The following CCDC7 variants were observed in gnomAD, a reference collection of about 807,000 sequenced individuals.
CCDC7 encodes coiled-coil domain containing 7, also known as coiled-coil domain-containing protein 7.
A neutral mutation model predicts 196.9 loss-of-function variants in CCDC7; 183 were observed. The ratio of observed to expected loss-of-function variants is 0.93; its 90% CI spans 0.82 to 1.05. The LOEUF (loss-of-function observed/expected upper bound fraction) is 1.05. Ranked by LOEUF, CCDC7 falls within the 50% of genes least tolerant of loss-of-function variation. The pLI, the probability that CCDC7 is intolerant of heterozygous loss-of-function variation, is 0.00. For missense variants in CCDC7, 1,540 were observed against 1,482.2 expected (o/e 1.04, Z -0.64); for synonymous variants, 525 against 484.6 (o/e 1.08, Z -1.10).
chr10:32,488,185 C>T (rs779191046), intron 8 of CCDC7, among the ~76,000 whole-genome samples: 6 of 152,208 alleles, frequency 3.9e-5, no homozygotes, highest in Non-Finnish European at 7.3e-5. Context: ...TCGGCAATGG[C>T]GGGCGCCCCT....
chr10:32,604,075 G>A (rs2061341049), intron 18 of CCDC7, among the ~76,000 whole-genome samples: 1 of 152,016 alleles, frequency 6.6e-6, no homozygotes, highest in African/African-American at 2.4e-5. Context: ...TAGTTTTATA[G>A]TTTCAGGTCT....
At chr10:32,820,190 C>G (rs570506861) in intron 31 of CCDC7, among the ~76,000 whole-genome samples, 2 of 152,138 alleles carry the variant, frequency 1.3e-5, no homozygotes, top group Non-Finnish European at 2.9e-5. Flanking sequence ...AAAGCCAAAT[C>G]ATGAGTGAAC....
At chr10:32,640,290 A>G (rs921687716) in intron 20 of CCDC7, among the ~76,000 whole-genome samples, 1 of 152,118 alleles carries the variant, frequency 6.6e-6, no homozygotes, top group African/African-American at 2.4e-5. Flanking sequence ...CTTTACCATT[A>G]TGTAATGGCT....
At chr10:32,741,007 A>G (rs751195287) in intron 28 of CCDC7, among the ~76,000 whole-genome samples, 29 of 152,058 alleles carry the variant, frequency 1.9e-4, no homozygotes, top group Non-Finnish European at 1.3e-4. Flanking sequence ...TGCATTAATG[A>G]AAAATATTCT....
At chr10:32,601,495 T>G (rs1452715721) in intron 18 of CCDC7, among the ~76,000 whole-genome samples, 1 of 152,202 alleles carries the variant, frequency 6.6e-6, no homozygotes, top group Non-Finnish European at 1.5e-5. Flanking sequence ...TGTGGGGAGT[T>G]TGGGAGTTTG....
chr10:32,552,197 G>T (rs890994443), intron 13 of CCDC7, among the ~76,000 whole-genome samples: 2 of 152,122 alleles, frequency 1.3e-5, no homozygotes, highest in African/African-American at 4.8e-5. Context: ...AAGTTTGTTT[G>T]TCTGATGTAA....
In CCDC7 at chr10:32,819,299, G is replaced by T. The variant is rs576900924; in HGVS notation, c.3181+4846G>T. On this transcript the variant is annotated intron_variant, in intron 31 of 41. Coordinates refer to ENST00000639629, the Ensembl canonical transcript of CCDC7. ...AAATCTCTGAATAGACCAATAACAG[G>T]CTCTGAAATTGAGGCAATAATTAAT... Among the ~76,000 whole-genome samples, 5 of 152,268 alleles carry T rather than the reference G, an allele frequency of 3.3e-5. No homozygotes were observed. The South Asian group carries it at 1.0e-3, about 32-fold the overall frequency.
At chr10:32,618,640 T>C (rs2063039737) in intron 18 of CCDC7, among the ~76,000 whole-genome samples, 1 of 152,202 alleles carries the variant, frequency 6.6e-6, no homozygotes, top group East Asian at 1.9e-4. Flanking sequence ...TCTTATTCTC[T>C]TCTGGCCCAT....
chr10:32,719,253 T>G (rs2082054433), intron 25 of CCDC7, among the ~76,000 whole-genome samples: 1 of 152,138 alleles, frequency 6.6e-6, no homozygotes, highest in Non-Finnish European at 1.5e-5. Context: ...TTGACAAACC[T>G]GACAAAAACA....
At chr10:32,834,149 A>G (rs1244693631) in intron 32 of CCDC7, among the ~76,000 whole-genome samples, 2 of 152,064 alleles carry the variant, frequency 1.3e-5, no homozygotes, top group African/African-American at 2.4e-5. Flanking sequence ...AAAATTACCC[A>G]TTTCTTCCTC....
chr10:32,653,429 T>A (rs757942316), intron 20 of CCDC7, among the ~76,000 whole-genome samples: 18 of 152,156 alleles, frequency 1.2e-4, no homozygotes, highest in Non-Finnish European at 8.8e-5. Context: ...ACTGTGCCAC[T>A]TCGGTTTGGG....
intron 18 of CCDC7, among the ~76,000 whole-genome samples, chr10:32,611,741 A>G (rs2062164905): frequency 6.6e-6 from 1 of 152,066 alleles, no homozygotes; most frequent in African/African-American, 2.4e-5. Flanking sequence ...CATGTGTGGC[A>G]TTATTTCTGA....
chr10:32,579,610 G>A (rs1386626676), intron 16 of CCDC7, among the ~76,000 whole-genome samples: 1 of 152,094 alleles, frequency 6.6e-6, no homozygotes, highest in Non-Finnish European at 1.5e-5. Flanking sequence ...TCATTACGAT[G>A]ACCATGATTT....
At position 32,497,437 on chromosome 10, in the gene CCDC7, T is replaced by A. The variant is rs2043092645; in HGVS notation, c.872+5440T>A. Among the ~76,000 whole-genome samples the A allele has an allele frequency of 2.0e-5, 3 of 152,238 alleles. No homozygotes were observed. The South Asian group carries it at 6.2e-4, about 32-fold the overall frequency. On this transcript the variant is annotated intron_variant, in intron 9 of 41. Coordinates refer to ENST00000639629, the Ensembl canonical transcript of CCDC7. ...GTTATTTCTTGTCTTCTTCTAGCTT[T>A]TGAATTTGTTTGCTCTCGCTTCTCT...
At chr10:32,488,016 A>G (rs2041489517) in intron 8 of CCDC7, among the ~76,000 whole-genome samples, 1 of 152,200 alleles carries the variant, frequency 6.6e-6, no homozygotes, top group African/African-American at 2.4e-5. Flanking sequence ...CAAAGCTGTC[A>G]GACAGGGACA....
chr10:32,534,551 A>G (rs1243813413), intron 11 of CCDC7, among the ~76,000 whole-genome samples: 1 of 151,854 alleles, frequency 6.6e-6, no homozygotes, highest in Non-Finnish European at 1.5e-5. Flanking sequence ...GTATTTGCTT[A>G]GCAAGTATTT....
chr10:32,691,890 G>C (rs1365163496), intron 23 of CCDC7, among the ~76,000 whole-genome samples: 1 of 152,208 alleles, frequency 6.6e-6, no homozygotes. Context: ...GTTCCCAACT[G>C]AGGAAGGAGA....
At chr10:32,474,084 A>C in intron 8 of CCDC7, 61 bp downstream of exon 9, 1 of 1,550,558 alleles carries the variant, frequency 6.4e-7, no homozygotes, top group Non-Finnish European at 8.8e-7. Flanking sequence ...TAATTTCTAT[A>C]AAGTAATAAT....
At chr10:32,665,549 A>G (rs2072484645) in intron 21 of CCDC7, among the ~76,000 whole-genome samples, 1 of 151,926 alleles carries the variant, frequency 6.6e-6, no homozygotes, top group South Asian at 2.1e-4. Flanking sequence ...TTTCAACACC[A>G]TTGTATATTT....
Sources: gnomAD v4.1 joint callset for allele counts (sites outside exome capture counted in the v4.1 genomes callset) on GRCh38, gnomAD v4.1.1 for gene constraint, MANE v1.5 for transcripts, NCBI Gene and HGNC (gene_info 2026-07-23, HGNC 2026-07-21) for gene names.